Variants in LSAMP observed in about 807,000 individuals in gnomAD.
LSAMP encodes limbic system associated membrane protein.
Under a neutral mutation model 38.6 loss-of-function variants are expected in LSAMP, and 7 were observed. The ratio of observed to expected loss-of-function variants is 0.18; its 90% CI spans 0.10 to 0.34. The LOEUF is 0.34. Among genes scored for constraint, LSAMP ranks in the 10% least tolerant of loss-of-function variants. LSAMP has a pLI of 1.00. For synonymous variants in LSAMP, 154 were observed against 166.8 expected (o/e 0.92, Z 0.59); for missense variants, 313 against 420.0 (o/e 0.75, Z 2.23).
chr3:116,141,280 T>C (rs1452989624), intron 1 of LSAMP, among the ~76,000 whole-genome samples: 1 of 151,878 alleles, frequency 6.6e-6, no homozygotes, highest in Non-Finnish European at 1.5e-5. Context: ...ACATCTGTGA[T>C]CTACTGCCTC....
Position 116,338,153 on chromosome 3 carries a change from TTCA to T in LSAMP, c.155+106721_155+106723del, listed in dbSNP as rs528050895. Among the ~76,000 whole-genome samples the T allele has an allele frequency of 7.2e-5, 11 of 152,138 alleles. 1 individual carries two copies. The South Asian group carries it at 2.1e-3, about 29-fold the overall frequency. On this transcript the variant is annotated intron_variant, in intron 1 of 6. Coordinates refer to ENST00000490035, the MANE Select transcript of LSAMP (RefSeq NM_002338.5). ...GAAAGATTTGTGGAAAGGATTCTCT[TTCA>T]TCGTCACCTTTTATCCTCCTCTAGA...
chr3:116,348,559 G>A (rs1189080441), intron 1 of LSAMP, among the ~76,000 whole-genome samples: 1 of 151,994 alleles, frequency 6.6e-6, no homozygotes, highest in African/African-American at 2.4e-5. Context: ...GTAATTTAGA[G>A]GCCATGACTG....
intron 3 of LSAMP, among the ~76,000 whole-genome samples, chr3:115,939,288 C>T (rs900377478): frequency 1.3e-5 from 2 of 151,910 alleles, no homozygotes; most frequent in African/African-American, 4.8e-5. Context: ...AAATATATAA[C>T]CTGAAGTAGA....
At chr3:116,167,655 A>G (rs1710092791) in intron 1 of LSAMP, among the ~76,000 whole-genome samples, 1 of 152,210 alleles carries the variant, frequency 6.6e-6, no homozygotes, top group Non-Finnish European at 1.5e-5. Context: ...TATATAAGTG[A>G]TGTAAGTAGA....
At chr3:116,294,562 T>TTAAA (rs1213706268) in intron 1 of LSAMP, among the ~76,000 whole-genome samples, 1 of 152,228 alleles carries the variant, frequency 6.6e-6, no homozygotes, top group Admixed American at 6.5e-5. Context: ...GCAGTGATTT[T>TTAAA]TAAATACTAT....
chr3:116,156,373 C>T (rs1448113305), intron 1 of LSAMP, among the ~76,000 whole-genome samples: 1 of 152,042 alleles, frequency 6.6e-6, no homozygotes, highest in Non-Finnish European at 1.5e-5. Context: ...GGAAGGAATG[C>T]TATTTATTTC....
chr3:116,289,668 T>G (rs777169845), intron 1 of LSAMP, among the ~76,000 whole-genome samples: 2 of 152,104 alleles, frequency 1.3e-5, no homozygotes, highest in Non-Finnish European at 1.5e-5. Context: ...GGTGGTAAGA[T>G]CCTATAAGTG....
At chr3:116,193,496 G>T (rs943416246) in intron 1 of LSAMP, among the ~76,000 whole-genome samples, 8 of 152,138 alleles carry the variant, frequency 5.3e-5, no homozygotes, top group Non-Finnish European at 1.2e-4. Context: ...TAAATGAAAT[G>T]CTCCCCATCT....
chr3:116,267,851 G>C (rs935171793), intron 1 of LSAMP, among the ~76,000 whole-genome samples: 1 of 152,054 alleles, frequency 6.6e-6, no homozygotes, highest in Non-Finnish European at 1.5e-5. Context: ...AAATCCTCCA[G>C]TTTATAGTCT....
Position 115,805,635 on chromosome 3 carries a change from A to G in LSAMP, c.*4682T>C, listed in dbSNP as rs750050017. The G allele has an allele frequency of 6.6e-6, 1 of 152,192 alleles. No homozygotes were observed. Among genetic ancestry groups the G allele is most frequent in the Non-Finnish European group, 1.5e-5 (1 of 68,032 alleles). 9.4% of individuals were successfully genotyped at this position (152,192 alleles called of 1,614,324 possible). A position where few individuals can be genotyped will look rare whatever the true frequency, so the allele number is the denominator to read the frequency against. ...GGTGTAAATGTTAAACCTAAACCCA[A>G]CGTTAACACCAGCTTCCTTGCCAAG... On this transcript the variant is annotated 3_prime_UTR_variant, in exon 7 of 7. Coordinates refer to ENST00000490035, the MANE Select transcript of LSAMP (RefSeq NM_002338.5).
intron 3 of LSAMP, among the ~76,000 whole-genome samples, chr3:115,898,869 G>A (rs6787370): frequency 0.026 from 3,951 of 152,164 alleles, 173 homozygotes; most frequent in African/African-American, 0.089. Context: ...AAAGGGACTA[G>A]TGTGTGGTAA....
Position 116,057,967 on chromosome 3 carries a change from A to C in LSAMP, c.388+28357T>G, listed in dbSNP as rs77438327. On this transcript the variant is annotated intron_variant, in intron 2 of 6. Coordinates refer to ENST00000490035, the MANE Select transcript of LSAMP (RefSeq NM_002338.5). ...CACACACACACACACCCACACACAC[A>C]CACACACACACACAGAGTGAATGGT... Among the ~76,000 whole-genome samples, 544 of 147,620 alleles carry C rather than the reference A, an allele frequency of 3.7e-3. 8 individuals are homozygous for C. Among genetic ancestry groups the C allele is most frequent in the African/African-American group, 0.012 (495 of 40,038 alleles).
chr3:116,285,525 C>A (rs1203068116), intron 1 of LSAMP, among the ~76,000 whole-genome samples: 1 of 147,388 alleles, frequency 6.8e-6, no homozygotes, highest in Non-Finnish European at 1.5e-5. Context: ...TGTAACTGCT[C>A]CTGAGAAATG....
intron 1 of LSAMP, among the ~76,000 whole-genome samples, chr3:116,141,422 A>G (rs1365173654): frequency 6.6e-6 from 1 of 151,880 alleles, no homozygotes; most frequent in African/African-American, 2.4e-5. Context: ...ACCTAGAAAA[A>G]AAAAGTAGCA....
At chr3:116,019,448 A>G in intron 3 of LSAMP, 67 bp downstream of exon 3, 1 of 1,554,500 alleles carries the variant, frequency 6.4e-7, no homozygotes, top group Non-Finnish European at 8.8e-7. Flanking sequence ...CTGATTCAGC[A>G]GAATTCCAGG....
chr3:116,171,503 G>A (rs1398104502), intron 1 of LSAMP, among the ~76,000 whole-genome samples: 1 of 152,064 alleles, frequency 6.6e-6, no homozygotes, highest in Non-Finnish European at 1.5e-5. Context: ...ACAATCAAAT[G>A]ACAGAACAAC....
At chr3:115,936,144 T>C (rs1937693455) in intron 3 of LSAMP, among the ~76,000 whole-genome samples, 1 of 152,232 alleles carries the variant, frequency 6.6e-6, no homozygotes, top group Non-Finnish European at 1.5e-5. Context: ...TCTTACAACA[T>C]TTCCAGTATC....
chr3:116,170,157 A>T (rs1177572871), intron 1 of LSAMP, among the ~76,000 whole-genome samples: 4 of 152,180 alleles, frequency 2.6e-5, no homozygotes, highest in South Asian at 2.1e-4. Flanking sequence ...GCCTCTATGT[A>T]TAAGATTAGA....
At chr3:116,400,460 CTCCTTCCT>C (rs2048824537) in intron 1 of LSAMP, among the ~76,000 whole-genome samples, 1 of 133,342 alleles carries the variant, frequency 7.5e-6, no homozygotes, top group Non-Finnish European at 1.6e-5. Flanking sequence ...CCTTCCTTCC[CTCCTTCCT>C]TCCTTTTCTT....
Sources: gnomAD v4.1 joint callset for allele counts (sites outside exome capture counted in the v4.1 genomes callset) on GRCh38, gnomAD v4.1.1 for gene constraint, MANE v1.5 for transcripts, NCBI Gene and HGNC (gene_info 2026-07-23, HGNC 2026-07-21) for gene names.